The following GTF2F2 variants were observed in gnomAD, a reference collection of about 807,000 sequenced individuals.
GTF2F2 encodes general transcription factor IIF subunit 2, also known as ATP-dependent helicase GTF2F2.
Under a neutral mutation model 42.2 loss-of-function variants are expected in GTF2F2, and 23 were observed. That is an observed-to-expected ratio of 0.55 (90% CI 0.39 to 0.77). The LOEUF is 0.77. Among genes scored for constraint, GTF2F2 ranks in the 30% least tolerant of loss-of-function variants. GTF2F2 has a pLI of 0.00. For synonymous variants in GTF2F2, 105 were observed against 100.8 expected (o/e 1.04, Z -0.25); for missense variants, 261 against 287.2 (o/e 0.91, Z 0.66).
chr13:45,164,726 GA>G (rs910218901), intron 4 of GTF2F2, among the ~76,000 whole-genome samples: 3 of 149,028 alleles, frequency 2.0e-5, no homozygotes, highest in Non-Finnish European at 3.0e-5. Context: ...ACCCTGTCTG[GA>G]AAAAAAAAAT....
At chr13:45,235,421 A>G (rs538640176) in intron 5 of GTF2F2, among the ~76,000 whole-genome samples, 2 of 152,058 alleles carry the variant, frequency 1.3e-5, no homozygotes, top group African/African-American at 4.8e-5. Flanking sequence ...GGCACAGGAT[A>G]GGCTTGAGTT....
chr13:45,144,207 C>T (rs1260512037), intron 2 of GTF2F2, among the ~76,000 whole-genome samples: 2 of 152,012 alleles, frequency 1.3e-5, no homozygotes, highest in Non-Finnish European at 2.9e-5. Context: ...GAGCGGAGAC[C>T]TCACCATTGC....
chr13:45,205,739 C>G (rs1013822988), intron 4 of GTF2F2, among the ~76,000 whole-genome samples: 1 of 152,080 alleles, frequency 6.6e-6, no homozygotes, highest in Admixed American at 6.6e-5. Flanking sequence ...AGCATGGTCT[C>G]GATCTCCTGA....
intron 7 of GTF2F2, among the ~76,000 whole-genome samples, chr13:45,276,966 G>A (rs1877061471): frequency 6.6e-6 from 1 of 152,138 alleles, no homozygotes; most frequent in Non-Finnish European, 1.5e-5. Flanking sequence ...AGGTGGAGTA[G>A]GGTTTGCACC....
chr13:45,150,051 C>T (rs1032486162), intron 3 of GTF2F2, among the ~76,000 whole-genome samples: 7 of 152,188 alleles, frequency 4.6e-5, no homozygotes, highest in Non-Finnish European at 8.8e-5. Flanking sequence ...TAATACTTTA[C>T]TAATACGTTA....
rs149445142 is a variant in GTF2F2, at chr13:45,250,273, T to C, written c.387-2598T>C. Reference sequence around the variant, plus strand: ...TTTCACCATGTTGCCCAGGCTGGTCTTGAACTCCTGACCTCAAGTAATCTG... The same window carrying C: ...TTTCACCATGTTGCCCAGGCTGGTCCTGAACTCCTGACCTCAAGTAATCTG... On this transcript the variant is annotated intron_variant, in intron 5 of 7. Coordinates refer to ENST00000340473, the MANE Select transcript of GTF2F2 (RefSeq NM_004128.3). Among the ~76,000 whole-genome samples the C allele has an allele frequency of 2.0e-5, 3 of 152,170 alleles. No individual in the cohort carries two copies. The East Asian group carries it at 5.8e-4, about 29-fold the overall frequency.
chr13:45,261,030 G>T (rs1042464676), intron 6 of GTF2F2, among the ~76,000 whole-genome samples: 1 of 152,192 alleles, frequency 6.6e-6, no homozygotes, highest in African/African-American at 2.4e-5. Flanking sequence ...AGAGGCTGAG[G>T]CAGGAGAATC....
At chr13:45,240,789 T>C (rs1875254561) in intron 5 of GTF2F2, among the ~76,000 whole-genome samples, 1 of 151,856 alleles carries the variant, frequency 6.6e-6, no homozygotes, top group Admixed American at 6.6e-5. Context: ...GATCGCACCG[T>C]TGTACTCCAG....
intron 7 of GTF2F2, among the ~76,000 whole-genome samples, chr13:45,277,710 T>C (rs1367757003): frequency 1.3e-5 from 2 of 152,178 alleles, no homozygotes; most frequent in Non-Finnish European, 2.9e-5. Context: ...CTTAAAGGAG[T>C]TGCAGTCATT....
chr13:45,261,127 A>G (rs1593523776), intron 6 of GTF2F2, among the ~76,000 whole-genome samples: 1 of 151,898 alleles, frequency 6.6e-6, no homozygotes, highest in Admixed American at 6.6e-5. Flanking sequence ...CCCCATCTCA[A>G]AAAAGAAAAG....
chr13:45,134,027 A>T (rs1372606323), intron 1 of GTF2F2, among the ~76,000 whole-genome samples: 1 of 152,206 alleles, frequency 6.6e-6, no homozygotes, highest in Non-Finnish European at 1.5e-5. Context: ...AATACAGATT[A>T]TGAAGGGGAT....
At position 45,219,097 on chromosome 13, in the gene GTF2F2, A is replaced by C. The variant is rs376845959; in HGVS notation, c.386+11592A>C. ...TTTCAGCTAGAATGGTTCAGCCTGC[A>C]TAGTGGGTCCCTCACTTTTATATGG... On this transcript the variant is annotated intron_variant, in intron 5 of 7. Transcript: ENST00000340473. 4.6e-5 allele frequency among the ~76,000 whole-genome samples: 7 copies of C among 152,154 alleles called. 1 individual carries two copies. The highest frequency in any genetic ancestry group is 3.9e-4 in the Admixed American group (6 of 15,272).
intron 1 of GTF2F2, among the ~76,000 whole-genome samples, chr13:45,136,282 T>G (rs1869615823): frequency 6.6e-6 from 1 of 152,254 alleles, no homozygotes; most frequent in African/African-American, 2.4e-5. Flanking sequence ...TTAATAATCC[T>G]TTTATATTAG....
At chr13:45,280,197 G>GA (rs1367960707) in intron 7 of GTF2F2, among the ~76,000 whole-genome samples, 1 of 152,210 alleles carries the variant, frequency 6.6e-6, no homozygotes, top group African/African-American at 2.4e-5. Flanking sequence ...AAGCATGCGT[G>GA]AGGGGGAGTG....
At chr13:45,223,262 TAAAAAAAA>T (rs60690884) in intron 5 of GTF2F2, among the ~76,000 whole-genome samples, 170 of 96,310 alleles carry the variant, frequency 1.8e-3, no homozygotes, top group Non-Finnish European at 3.0e-3. Context: ...CTTGTCTCAA[TAAAAAAAA>T]AAAAAAAAAA....
intron 5 of GTF2F2, among the ~76,000 whole-genome samples, chr13:45,233,691 A>G (rs546297368): frequency 5.2e-4 from 79 of 152,296 alleles, no homozygotes; most frequent in African/African-American, 1.9e-3. Context: ...AGGCAGGAGG[A>G]TCCCTTGAGT....
At chr13:45,217,015 A>G (rs1333684892) in intron 5 of GTF2F2, among the ~76,000 whole-genome samples, 1 of 151,622 alleles carries the variant, frequency 6.6e-6, no homozygotes, top group Non-Finnish European at 1.5e-5. Flanking sequence ...ATTCAGCTCA[A>G]ATGGGCCGGG....
At chr13:45,170,589 C>T (rs1417872033) in intron 4 of GTF2F2, among the ~76,000 whole-genome samples, 1 of 152,128 alleles carries the variant, frequency 6.6e-6, no homozygotes, top group Non-Finnish European at 1.5e-5. Context: ...ATATTTTCCC[C>T]TTGAAACTGT....
intron 2 of GTF2F2, among the ~76,000 whole-genome samples, chr13:45,146,716 C>T (rs986071652): frequency 2.0e-5 from 3 of 152,054 alleles, no homozygotes; most frequent in Admixed American, 6.6e-5. Flanking sequence ...AAAAAAGTAG[C>T]TGTGGGGTAT....
Sources: gnomAD v4.1 joint callset for allele counts (sites outside exome capture counted in the v4.1 genomes callset) on GRCh38, gnomAD v4.1.1 for gene constraint, MANE v1.5 for transcripts, NCBI Gene and HGNC (gene_info 2026-07-23, HGNC 2026-07-21) for gene names.